Variants in CTNNA2 observed in about 807,000 individuals in gnomAD.
CTNNA2 encodes the protein catenin alpha 2, also known as catenin alpha-2.
Under a neutral mutation model 101.0 loss-of-function variants are expected in CTNNA2, and 42 were observed. The ratio of observed to expected loss-of-function variants is 0.42; its 90% confidence interval spans 0.32 to 0.54. CTNNA2 has a LOEUF of 0.54. Ranked by LOEUF, CTNNA2 falls within the 20% of genes least tolerant of loss-of-function variation. The pLI, the probability that CTNNA2 is intolerant of heterozygous loss-of-function variation, is 0.14. For synonymous variants in CTNNA2, 450 were observed against 456.4 expected, an observed-to-expected ratio of 0.99 and a Z score of 0.18; for missense variants, 871 against 1,223.1, an observed-to-expected ratio of 0.71 and a Z score of 4.29.
At chr2:80,594,943 G>T (rs1360248960) in intron 15 of CTNNA2, among the ~76,000 whole-genome samples, 2 of 151,958 alleles carry the variant, frequency 1.3e-5, no homozygotes, top group African/African-American at 4.8e-5. Context: ...AAATTGTGAG[G>T]TCTCCAATTT....
At chr2:79,782,870 T>G (rs1674556985) in intron 3 of CTNNA2, among the ~76,000 whole-genome samples, 1 of 152,108 alleles carries the variant, frequency 6.6e-6, no homozygotes, top group Admixed American at 6.5e-5. Context: ...GAATTTTTAG[T>G]TTTTGCAAAT....
intron 7 of CTNNA2, among the ~76,000 whole-genome samples, chr2:79,952,224 G>T (rs1374206620): frequency 6.6e-6 from 1 of 152,124 alleles, no homozygotes; most frequent in Non-Finnish European, 1.5e-5. Flanking sequence ...CTTCAGGCAT[G>T]TCATGTCTTA....
chr2:79,322,797 T>C (rs924175199), intron 3 of CTNNA2, among the ~76,000 whole-genome samples: 1 of 152,132 alleles, frequency 6.6e-6, no homozygotes, highest in African/African-American at 2.4e-5. Flanking sequence ...CAGGGTAAAA[T>C]TAAGTGAAAT....
chr2:80,511,790 T>A (rs1331411385), intron 9 of CTNNA2, among the ~76,000 whole-genome samples: 1 of 152,180 alleles, frequency 6.6e-6, no homozygotes, highest in Non-Finnish European at 1.5e-5. Flanking sequence ...CAACTACATA[T>A]CTGTATCTTT....
At chr2:80,377,882 T>C (rs921789002) in intron 7 of CTNNA2, among the ~76,000 whole-genome samples, 3 of 152,204 alleles carry the variant, frequency 2.0e-5, no homozygotes, top group Non-Finnish European at 4.4e-5. Context: ...CCATCTCTCA[T>C]CTGTGGCCAG....
chr2:79,746,722 T>A (rs558084397), intron 3 of CTNNA2, among the ~76,000 whole-genome samples: 1 of 152,298 alleles, frequency 6.6e-6, no homozygotes, highest in South Asian at 2.1e-4. Context: ...TTCACACATT[T>A]CTACACTTCC....
intron 1 of CTNNA2, among the ~76,000 whole-genome samples, chr2:79,597,494 G>T (rs982850017): frequency 2.5e-4 from 38 of 151,058 alleles, no homozygotes; most frequent in African/African-American, 8.5e-4. Flanking sequence ...AATATTAGCT[G>T]CCCCCTTAGA....
intron 4 of CTNNA2, among the ~76,000 whole-genome samples, chr2:79,429,859 A>G (rs1242962270): frequency 6.6e-6 from 1 of 152,200 alleles, no homozygotes; most frequent in Non-Finnish European, 1.5e-5. Flanking sequence ...TGGTATTAAA[A>G]TTGACATCTT....
At chr2:80,530,120 A>T (rs536798980) in intron 9 of CTNNA2, among the ~76,000 whole-genome samples, 9 of 152,246 alleles carry the variant, frequency 5.9e-5, no homozygotes, top group African/African-American at 2.2e-4. Context: ...CTGCTGCCCA[A>T]CAAGGCAGCA....
chr2:80,105,522 G>A (rs774758624), intron 7 of CTNNA2, among the ~76,000 whole-genome samples: 2 of 152,080 alleles, frequency 1.3e-5, no homozygotes, highest in East Asian at 1.9e-4. Context: ...CCAGGAGTTC[G>A]AGACCAGCCT....
At chr2:79,464,804 T>G (rs1285071313) in intron 4 of CTNNA2, among the ~76,000 whole-genome samples, 1 of 152,182 alleles carries the variant, frequency 6.6e-6, no homozygotes, top group African/African-American at 2.4e-5. Context: ...GTCTGTTCAT[T>G]TCCTTTGCCC....
intron 7 of CTNNA2, among the ~76,000 whole-genome samples, chr2:80,295,223 A>AC (rs1161676299): frequency 1.6e-5 from 2 of 123,596 alleles, no homozygotes; most frequent in Non-Finnish European, 3.4e-5. Context: ...AGTCCTGAAC[A>AC]AATTTTTTTT....
chr2:79,396,777 T>G (rs1354313288), intron 4 of CTNNA2, among the ~76,000 whole-genome samples: 1 of 152,078 alleles, frequency 6.6e-6, no homozygotes, highest in East Asian at 1.9e-4. Flanking sequence ...CCTCAATTAA[T>G]AAATGGAGAG....
chr2:79,966,939 C>T (rs17018319), intron 7 of CTNNA2, among the ~76,000 whole-genome samples: 37,906 of 151,824 alleles, frequency 0.25, 5,642 homozygotes, highest in African/African-American at 0.42. Context: ...TTCTTCTGCT[C>T]CTGATTCTAA....
At chr2:80,192,850 T>A (rs1706599542) in intron 7 of CTNNA2, among the ~76,000 whole-genome samples, 1 of 152,188 alleles carries the variant, frequency 6.6e-6, no homozygotes, top group Non-Finnish European at 1.5e-5. Context: ...CAACTCTTTG[T>A]TACCCTCAGA....
chr2:79,557,125 C>T (rs976125834), intron 1 of CTNNA2, among the ~76,000 whole-genome samples: 3 of 151,942 alleles, frequency 2.0e-5, no homozygotes, highest in Non-Finnish European at 4.4e-5. Context: ...TTTATTGTCC[C>T]CTGTGGGAAG....
intron 1 of CTNNA2, among the ~76,000 whole-genome samples, chr2:79,618,493 GA>G (rs1432471263): frequency 6.6e-6 from 1 of 151,956 alleles, no homozygotes; most frequent in Non-Finnish European, 1.5e-5. Context: ...TCACTGATGA[GA>G]AAAAAATATA....
chr2:79,681,349 G>C (rs1432984752), intron 2 of CTNNA2, among the ~76,000 whole-genome samples: 1 of 152,146 alleles, frequency 6.6e-6, no homozygotes, highest in East Asian at 1.9e-4. Flanking sequence ...CTTCCAGTGA[G>C]ACCACATCAG....
intron 7 of CTNNA2, among the ~76,000 whole-genome samples, chr2:80,110,319 A>G (rs1701138621): frequency 1.3e-5 from 2 of 152,178 alleles, no homozygotes; most frequent in Non-Finnish European, 2.9e-5. Flanking sequence ...GTTAATAATT[A>G]TAAAGTTTGA....
Sources: allele counts gnomAD v4.1 joint callset (sites outside exome capture counted in the v4.1 genomes callset), GRCh38; gene constraint gnomAD v4.1.1; transcripts MANE v1.5; gene names NCBI Gene and HGNC (gene_info 2026-07-23, HGNC 2026-07-21).